Variants in KIAA0232 observed in about 807,000 individuals in gnomAD.
KIAA0232 encodes KIAA0232, also known as uncharacterized protein KIAA0232.
A neutral mutation model predicts 122.0 loss-of-function variants in KIAA0232; 27 were observed. The observed-to-expected ratio is 0.22, with a 90% CI of 0.16 to 0.31. The LOEUF is 0.31. Ranked by LOEUF, KIAA0232 falls within the 10% of genes least tolerant of loss-of-function variation. KIAA0232 has a pLI of 1.00. For synonymous variants in KIAA0232, 613 were observed against 587.6 expected (o/e 1.04, Z -0.63); for missense variants, 1,551 against 1,634.2 (o/e 0.95, Z 0.88).
chr4:6,825,652 C>T (rs1338426868), intron 3 of KIAA0232, among the ~76,000 whole-genome samples: 1 of 152,098 alleles, frequency 6.6e-6, no homozygotes, highest in Non-Finnish European at 1.5e-5. Context: ...ACCTCAGTCT[C>T]ATTCTTAAGA....
At chr4:6,813,530 C>T (rs945141111) in intron 2 of KIAA0232, among the ~76,000 whole-genome samples, 4 of 151,570 alleles carry the variant, frequency 2.6e-5, no homozygotes, top group Non-Finnish European at 5.9e-5. Flanking sequence ...GCCCGGCTAA[C>T]TTTTTGTATT....
At chr4:6,856,457 T>G (rs146092425) in intron 4 of KIAA0232, among the ~76,000 whole-genome samples, 12 of 152,378 alleles carry the variant, frequency 7.9e-5, no homozygotes, top group African/African-American at 2.9e-4. Context: ...TGCTTGTGCC[T>G]GTTTTCTACA....
intron 3 of KIAA0232, among the ~76,000 whole-genome samples, chr4:6,837,464 A>C (rs980539304): frequency 1.3e-5 from 2 of 150,830 alleles, no homozygotes; most frequent in Non-Finnish European, 3.0e-5. Flanking sequence ...CTCACATCCC[A>C]GACGATGGGC....
chr4:6,857,345 GT>G, intron 5 of KIAA0232, 115 bp downstream of exon 5: 1 of 838,240 alleles, frequency 1.2e-6, no homozygotes. Context: ...AAGTCTTTGT[GT>G]CCAGTGTGTG....
intron 2 of KIAA0232, among the ~76,000 whole-genome samples, chr4:6,816,314 GCT>G (rs1322939203): frequency 6.8e-6 from 1 of 147,872 alleles, no homozygotes; most frequent in Non-Finnish European, 1.5e-5. Context: ...ACGGAGCCTC[GCT>G]CTGTTGCCCA....
intron 7 of KIAA0232, among the ~76,000 whole-genome samples, chr4:6,869,924 C>G (rs1352094898): frequency 6.6e-6 from 1 of 152,212 alleles, no homozygotes; most frequent in Non-Finnish European, 1.5e-5. Context: ...GTGCAGTGTT[C>G]ACAGGCCTCT....
intron 2 of KIAA0232, among the ~76,000 whole-genome samples, chr4:6,814,280 A>G (rs1219989820): frequency 6.6e-6 from 1 of 152,000 alleles, no homozygotes; most frequent in Non-Finnish European, 1.5e-5. Flanking sequence ...GTCATATTAG[A>G]ACTTTGTTGT....
Position 6,876,732 on chromosome 4 carries a change from AAG to A in KIAA0232, c.3986_3987del (p.Glu1329AlafsTer6). On this transcript the variant is annotated frameshift_variant, in exon 9 of 10. Coordinates refer to ENST00000307659, the MANE Select transcript of KIAA0232 (RefSeq NM_014743.3). LOFTEE classifies it low-confidence loss of function (END_TRUNC). ...GATGCTAAAGAGACACCCAGTAATG[AAG>A]AGCGCCTGTTAGATTTTAATAGGGT... The A allele has an allele frequency of 6.2e-7, 1 of 1,612,686 alleles. No individual in the cohort carries two copies. Among genetic ancestry groups the A allele is most frequent in the South Asian group, 1.1e-5 (1 of 91,038 alleles).
chr4:6,848,342 A>T (rs1577395529), intron 4 of KIAA0232, among the ~76,000 whole-genome samples: 4 of 152,232 alleles, frequency 2.6e-5, no homozygotes, highest in Admixed American at 2.6e-4. Flanking sequence ...TTGACCATAT[A>T]CAATTGGCCC....
At chr4:6,842,909 T>C (rs1168035891) in intron 4 of KIAA0232, among the ~76,000 whole-genome samples, 2 of 152,258 alleles carry the variant, frequency 1.3e-5, no homozygotes, top group African/African-American at 4.8e-5. Flanking sequence ...TTTTCTGTTA[T>C]GCAGTCTAGA....
At position 6,840,346 on chromosome 4, in the gene KIAA0232, A is replaced by G. The variant is rs80221261; in HGVS notation, c.232-1721A>G. Among the ~76,000 whole-genome samples the G allele has an allele frequency of 1.1e-4, 17 of 152,308 alleles. No homozygotes were observed. In the East Asian group the frequency reaches 2.7e-3, roughly 24 times the overall value. ...CTCTCTGAGCCAATCTTTGTGGCCA[A>G]AGGGATGATGGGGGTAGTGTTAATC... On this transcript the variant is annotated intron_variant, in intron 3 of 9. Coordinates refer to ENST00000307659, the MANE Select transcript of KIAA0232 (RefSeq NM_014743.3).
In KIAA0232 at chr4:6,881,647, T is replaced by C. The variant is rs1467890233; in HGVS notation, c.*681T>C. The C allele has an allele frequency of 6.6e-6, 1 of 152,600 alleles. No individual in the cohort carries two copies. The highest frequency in any genetic ancestry group is 1.5e-5 in the Non-Finnish European group (1 of 68,040). The allele number at this position is 152,600 out of a possible 1,614,324, so 9.5% of individuals were successfully genotyped here. ...CTGAAGAAGCCAAGGATTTGGGGTGTGGGGTCGTATGCGAGACACAGTGGG... is the reference window on the plus strand; with the variant it reads ...CTGAAGAAGCCAAGGATTTGGGGTGCGGGGTCGTATGCGAGACACAGTGGG... On this transcript the variant is annotated 3_prime_UTR_variant, in exon 10 of 10. Transcript: ENST00000307659.
chr4:6,883,542 AG>A lies in KIAA0232; in HGVS notation c.*2577del, dbSNP rs1322266191. On this transcript the variant is annotated 3_prime_UTR_variant, in exon 10 of 10. Coordinates refer to ENST00000307659, the MANE Select transcript of KIAA0232 (RefSeq NM_014743.3). ...AAACATTGTGCAGCTTTGCTAGGGAAGAAAGTGGTGTGGCCTGCTGAGAAAT... is the reference window on the plus strand; with the variant it reads ...AAACATTGTGCAGCTTTGCTAGGGAAAAAGTGGTGTGGCCTGCTGAGAAAT... The A allele has an allele frequency of 6.6e-6, 1 of 152,174 alleles. No individual in the cohort carries two copies. Among genetic ancestry groups the A allele is most frequent in the African/African-American group, 2.4e-5 (1 of 41,452 alleles). The allele number at this position is 152,174 out of a possible 1,614,324, so 9.4% of individuals were successfully genotyped here.
Position 6,864,126 on chromosome 4 carries a change from A to T in KIAA0232, c.3744A>T (p.Ala1248=). ...EEINNFCGCK[A]GCQFPAYEDN... ...TTAATAATTTTTGTGGTTGCAAAGCAGGTTGTCAGTTTCCTGCTTATGAAG... is the reference window on the plus strand; with the variant it reads ...TTAATAATTTTTGTGGTTGCAAAGCTGGTTGTCAGTTTCCTGCTTATGAAG... Residue 1248 remains alanine (A), a synonymous_variant, in exon 7 of 10, where the codon GCA becomes GCT. Coordinates refer to ENST00000307659, the MANE Select transcript of KIAA0232 (RefSeq NM_014743.3). The T allele has an allele frequency of 6.2e-7, 1 of 1,614,156 alleles. No homozygotes were observed. Among genetic ancestry groups the T allele is most frequent in the Non-Finnish European group, 8.5e-7 (1 of 1,180,008 alleles).
At chr4:6,806,075 A>C (rs1717602012) in intron 2 of KIAA0232, among the ~76,000 whole-genome samples, 1 of 152,038 alleles carries the variant, frequency 6.6e-6, no homozygotes, top group African/African-American at 2.4e-5. Context: ...CTTGGGCCCA[A>C]ATGTTTTCTC....
chr4:6,857,692 GTT>G (rs1720635620), intron 5 of KIAA0232, among the ~76,000 whole-genome samples: 1 of 152,194 alleles, frequency 6.6e-6, no homozygotes, highest in Non-Finnish European at 1.5e-5. Context: ...AGGGACTTCT[GTT>G]TTGACTCAGC....
chr4:6,857,260 G>A, intron 5 of KIAA0232, 30 bp downstream of exon 5: 1 of 1,576,636 alleles, frequency 6.3e-7, no homozygotes, highest in Non-Finnish European at 8.7e-7. Flanking sequence ...GCGCACACAT[G>A]CCAGGATTAC....
rs1720971198 is a variant in KIAA0232, at chr4:6,863,124, C to T, written c.2742C>T (p.Pro914=). ...TGGATGGTGGTGATTATACAACACC[C>T]TCTAAACCCTGGGATGTAGCCCAAG... ...SNVDGGDYTT[P]SKPWDVAQDK... is the part of the protein sequence containing the mutation. Residue 914 remains proline, a synonymous_variant, in exon 7 of 10, where the codon CCC becomes CCT. Coordinates refer to ENST00000307659, the MANE Select transcript of KIAA0232 (RefSeq NM_014743.3). 2.5e-6 allele frequency: 4 copies of T among 1,614,184 alleles called. No homozygotes were observed. The South Asian group carries it at 4.4e-5, about 18-fold the overall frequency.
rs1470402078 is a variant in KIAA0232, at chr4:6,866,397, A to G, written c.3801+2214A>G. On this transcript the variant is annotated intron_variant, in intron 7 of 9. Transcript: ENST00000307659. ...TTGTCAGCACTGCTCTCTCGGCAGC[A>G]TTGTTATACTTTAGAAGCCAGGTTG... 5 of 170,006 alleles carry G rather than the reference A, an allele frequency of 2.9e-5. No individual in the cohort carries two copies. In the East Asian group the frequency reaches 9.5e-4, roughly 32 times the overall value. 10.5% of individuals were successfully genotyped at this position (170,006 alleles called of 1,614,324 possible). A position where few individuals can be genotyped will look rare whatever the true frequency, so the allele number is the denominator to read the frequency against.
Sources: gnomAD v4.1 joint callset for allele counts (sites outside exome capture counted in the v4.1 genomes callset) on GRCh38, gnomAD v4.1.1 for gene constraint, MANE v1.5 for transcripts, NCBI Gene and HGNC (gene_info 2026-07-23, HGNC 2026-07-21) for gene names.